The following PMVK variants were observed in gnomAD, a reference collection of about 807,000 sequenced individuals.
PMVK encodes the protein phosphomevalonate kinase.
Under a neutral mutation model 19.0 loss-of-function variants are expected in PMVK, and 10 were observed. The ratio of observed to expected loss-of-function variants is 0.53; its 90% CI spans 0.32 to 0.89. The LOEUF is 0.89. PMVK is among the 40% of genes least tolerant of loss of function. The pLI, the probability that PMVK is intolerant of heterozygous loss-of-function variation, is 0.03. For missense variants in PMVK, 222 were observed against 251.1 expected, an observed-to-expected ratio of 0.88 and a Z score of 0.78; for synonymous variants, 108 against 101.6, an observed-to-expected ratio of 1.06 and a Z score of -0.38.
intron 1 of PMVK, among the ~76,000 whole-genome samples, chr1:154,935,114 T>C (rs1234927283): frequency 6.9e-6 from 1 of 145,766 alleles, no homozygotes; most frequent in Non-Finnish European, 1.5e-5. Context: ...ATGACAGATG[T>C]GTACAAGATC....
chr1:154,941,138 G>T (rs1398011449), upstream of PMVK, among the ~76,000 whole-genome samples: 2 of 152,206 alleles, frequency 1.3e-5, no homozygotes, highest in Non-Finnish European at 2.9e-5. Context: ...TCTCGCTCAG[G>T]TCAAAGCTCT....
upstream of PMVK, among the ~76,000 whole-genome samples, chr1:154,938,907 C>T (rs865796965): frequency 3.9e-5 from 6 of 152,290 alleles, no homozygotes; most frequent in African/African-American, 1.4e-4. Context: ...TTTATGCAGA[C>T]GGGGTCTTGC....
intron 1 of PMVK, among the ~76,000 whole-genome samples, chr1:154,933,956 C>T (rs535288030): frequency 6.6e-6 from 1 of 152,290 alleles, no homozygotes; most frequent in East Asian, 1.9e-4. Flanking sequence ...ATACATGCTT[C>T]CTGTCCTAGC....
In PMVK at chr1:154,936,647, C is replaced by A. The variant is rs900152114; in HGVS notation, c.39G>T (p.Leu13=). Residue 13 remains leucine, a synonymous_variant, in exon 1 of 5, where the codon CTG becomes CTT. Coordinates refer to ENST00000368467, the MANE Select transcript of PMVK (RefSeq NM_006556.4). ...PLGGAPRLVL[L]FSGKRKSGKD... Reference sequence around the variant, plus strand: ...TCCCGGATTTCCTCTTGCCGCTGAACAGCAGTACCAGCCGCGGGGCGCCTC... The same window carrying A: ...TCCCGGATTTCCTCTTGCCGCTGAAAAGCAGTACCAGCCGCGGGGCGCCTC... The A allele has an allele frequency of 6.2e-6, 10 of 1,609,074 alleles. No homozygotes were observed. Among genetic ancestry groups the A allele is most frequent in the African/African-American group, 1.3e-5 (1 of 75,010 alleles).
chr1:154,936,938 G>T (rs1313313869), upstream of PMVK: 3 of 500,850 alleles, frequency 6.0e-6, no homozygotes, highest in Non-Finnish European at 1.1e-5. Context: ...CTCCCCTCGT[G>T]AAGCTCCCCC....
At chr1:154,931,079 C>A (rs1571381746) in intron 2 of PMVK, among the ~76,000 whole-genome samples, 1 of 152,118 alleles carries the variant, frequency 6.6e-6, no homozygotes. Flanking sequence ...CAGAGCAAGA[C>A]CTTGTCTCAA....
chr1:154,941,211 C>G (rs74771385), upstream of PMVK, among the ~76,000 whole-genome samples: 1 of 152,176 alleles, frequency 6.6e-6, no homozygotes, highest in Non-Finnish European at 1.5e-5. Flanking sequence ...AGGAACAGGC[C>G]CAGCCAGAAG....
At chr1:154,941,008 G>A (rs1654628492), upstream of PMVK, among the ~76,000 whole-genome samples, 3 of 152,246 alleles carry the variant, frequency 2.0e-5, no homozygotes, top group South Asian at 6.2e-4. Flanking sequence ...TGAGAGCAGA[G>A]TCTGTGGTCT....
rs752419364 is a variant in PMVK at position 154,932,393 on chromosome 1, C to T, written c.118G>A (p.Val40Ile). Residue 40 changes from valine to isoleucine, a missense_variant, in exon 2 of 5, where the codon GTC (valine) becomes ATC (isoleucine). By Grantham distance (29) the Val-to-Ile change is conservative. Coordinates refer to ENST00000368467, the MANE Select transcript of PMVK (RefSeq NM_006556.4). ...TTGAGTGGACCAGAGAGCCGGAGGA[C>T]AGCACAGACATCAGCTCCAAGTCTG... ...QSRLGADVCA[V>I]LRLSGPLKEQ... The T allele has an allele frequency of 3.7e-6, 6 of 1,612,492 alleles. No homozygotes were observed. The highest frequency in any genetic ancestry group is 2.2e-5 in the South Asian group (2 of 90,960).
Position 154,929,010 on chromosome 1 carries a change from T to G in PMVK, c.312+14A>C. On this transcript the variant is annotated intron_variant, in intron 3 of 4. Coordinates refer to ENST00000368467, the MANE Select transcript of PMVK (RefSeq NM_006556.4). ...GAAACAGGTGTTCTTCATGCTGCCA[T>G]GGAGCCCTCTTACCCAGATGGGCTG... 5.6e-6 allele frequency: 9 copies of G among 1,611,528 alleles called. No homozygotes were observed. Among genetic ancestry groups the G allele is most frequent in the Non-Finnish European group, 7.6e-6 (9 of 1,177,794 alleles).
rs1008544982 is a variant in PMVK, at chr1:154,936,644, G to C, written c.42C>G (p.Phe14Leu). The C allele has an allele frequency of 6.2e-7, 1 of 1,609,510 alleles. No individual in the cohort carries two copies. The highest frequency in any genetic ancestry group is 1.1e-5 in the South Asian group (1 of 90,060). The change falls in exon 1 of 5, where the codon TTC (phenylalanine) becomes TTG (leucine). Residue 14 changes from phenylalanine (F) to leucine (L), a missense_variant. Phe to Leu is a conservative substitution (Grantham distance 22). Transcript: ENST00000368467. Reference sequence around the variant, plus strand: ...CCTTCCCGGATTTCCTCTTGCCGCTGAACAGCAGTACCAGCCGCGGGGCGC... The same window carrying C: ...CCTTCCCGGATTTCCTCTTGCCGCTCAACAGCAGTACCAGCCGCGGGGCGC... ...LGGAPRLVLL[F>L]SGKRKSGKDF...
At chr1:154,930,004 G>A (rs2101968875) in intron 2 of PMVK, among the ~76,000 whole-genome samples, 1 of 152,302 alleles carries the variant, frequency 6.6e-6, no homozygotes, top group African/African-American at 2.4e-5. Context: ...CAGGAGCGTT[G>A]TGGTCTACTT....
intron 1 of PMVK, among the ~76,000 whole-genome samples, chr1:154,933,375 G>T (rs916637869): frequency 3.3e-5 from 5 of 151,944 alleles, no homozygotes; most frequent in Middle Eastern, 3.4e-3. Flanking sequence ...GGAAGTTGCA[G>T]TGAGCCGAGA....
At chr1:154,939,435 C>T (rs149671614), upstream of PMVK, among the ~76,000 whole-genome samples, 4,602 of 151,950 alleles carry the variant, frequency 0.03, 229 homozygotes, top group African/African-American at 0.1. Flanking sequence ...CCTGTAATCC[C>T]AGCACTTTGG....
intron 2 of PMVK, 35 bp downstream of exon 2, chr1:154,932,317 G>A (rs747700835): frequency 1.6e-5 from 24 of 1,536,524 alleles, no homozygotes; most frequent in South Asian, 1.1e-4. Flanking sequence ...AGCCGGCCCC[G>A]CCCAACACAC....
chr1:154,934,290 C>A (rs982817477), intron 1 of PMVK, among the ~76,000 whole-genome samples: 1 of 152,164 alleles, frequency 6.6e-6, no homozygotes, highest in Non-Finnish European at 1.5e-5. Context: ...TGAGCCACTG[C>A]GCCCAACGAT....
At chr1:154,936,483 C>G in intron 1 of PMVK, 108 bp downstream of exon 1, 1 of 1,503,714 alleles carries the variant, frequency 6.7e-7, no homozygotes. Flanking sequence ...TCCTGCCTTG[C>G]AAACGGACGA....
rs535616268 is a variant in PMVK, at chr1:154,932,251, T to C, written c.159+101A>G. On this transcript the variant is annotated intron_variant, in intron 2 of 4. Transcript: ENST00000368467. ...GAGCTGGCCACCACCCTGCCAGCAG[T>C]GGTGACGGGAATCATGCCAGTGACT... The C allele has an allele frequency of 4.8e-6, 4 of 834,906 alleles. No individual in the cohort carries two copies. In the Admixed American group the frequency reaches 7.6e-5, roughly 16 times the overall value. 51.7% of individuals were successfully genotyped at this position (834,906 alleles called of 1,614,324 possible).
Position 154,936,598 on chromosome 1 carries a change from G to T in PMVK, c.88C>A (p.Gln30Lys). The T allele has an allele frequency of 6.2e-7, 1 of 1,602,672 alleles. No individual in the cohort carries two copies. The highest frequency in any genetic ancestry group is 8.5e-7 in the Non-Finnish European group (1 of 1,174,828). ...SGKDFVTEALQSRLGADVCAV... is the reference protein window; with the variant it reads ...SGKDFVTEALKSRLGADVCAV... The stretch of plus-strand genomic sequence containing the variant: ...TTCCCGCCTCACGGACACCTGCTCT[G>T]CAGCGCCTCGGTCACGAAGTCCTTC... Residue 30 changes from glutamine to lysine, a missense_variant, in exon 1 of 5, where the codon CAG (glutamine) becomes AAG (lysine). By Grantham distance (53) the Gln-to-Lys change is moderately conservative (BLOSUM62 1). Transcript: ENST00000368467.
Sources: allele counts gnomAD v4.1 joint callset (sites outside exome capture counted in the v4.1 genomes callset), GRCh38; gene constraint gnomAD v4.1.1; transcripts MANE v1.5; gene names NCBI Gene and HGNC (gene_info 2026-07-23, HGNC 2026-07-21).